Variants in LPA observed in about 807,000 individuals in gnomAD.
The protein encoded by LPA is lipoprotein(a).
In LPA, 199 loss-of-function variants were observed where a neutral mutation model predicts 197.9. The observed-to-expected ratio is 1.01, with a 90% confidence interval of 0.90 to 1.13. LPA has a LOEUF of 1.13. Ranked by LOEUF, LPA falls within the 50% of genes most tolerant of loss-of-function variation. The pLI is 0.00. For synonymous variants in LPA, 715 were observed against 639.5 expected, an observed-to-expected ratio of 1.12 and a Z score of -1.78; for missense variants, 1,853 against 1,785.8, an observed-to-expected ratio of 1.04 and a Z score of -0.68.
chr6:160,609,961 T>C (rs1394844245), intron 16 of LPA, among the ~76,000 whole-genome samples: 3 of 152,294 alleles, frequency 2.0e-5, no homozygotes, highest in Admixed American at 1.3e-4. Context: ...ACTTTTTGTA[T>C]AATAGTTCTT....
intron 28 of LPA, among the ~76,000 whole-genome samples, chr6:160,572,165 A>G (rs1035610600): frequency 6.6e-6 from 1 of 152,114 alleles, no homozygotes; most frequent in African/African-American, 2.4e-5. Context: ...AGGTGAGGTG[A>G]CACCCCACCC....
chr6:160,545,203 G>A (rs1029683657), intron 33 of LPA, among the ~76,000 whole-genome samples: 10 of 151,918 alleles, frequency 6.6e-5, no homozygotes, highest in Non-Finnish European at 1.2e-4. Context: ...TTGGGAATTT[G>A]ACATTTATTT....
chr6:160,540,102 T>A lies in LPA; in HGVS notation c.5676A>T (p.Glu1892Asp). 6.2e-7 allele frequency: 1 copy of A among 1,614,132 alleles called. No homozygotes were observed. The highest frequency in any genetic ancestry group is 8.5e-7 in the Non-Finnish European group (1 of 1,180,028). Reference sequence around the variant, plus strand: ...TGGGCTCCAAGAACAGCCTAGACACTTCTATTTCCTGAACATGAGATTCGA... The same window carrying A: ...TGGGCTCCAAGAACAGCCTAGACACATCTATTTCCTGAACATGAGATTCGA... Reference protein sequence around the residue: ...VNLESHVQEIEVSRLFLEPTQ... With the variant: ...VNLESHVQEIDVSRLFLEPTQ... Residue 1892 changes from glutamate to aspartate, a missense_variant, in exon 36 of 39, where the codon GAA (glutamate) becomes GAT (aspartate). Transcript: ENST00000316300.
At chr6:160,661,125 C>T (rs1049756248) in intron 1 of LPA, among the ~76,000 whole-genome samples, 7 of 152,156 alleles carry the variant, frequency 4.6e-5, no homozygotes, top group African/African-American at 1.7e-4. Context: ...CTCTTCCAAG[C>T]CTGGAGATGC....
chr6:160,539,269 T>C (rs573354345), intron 36 of LPA, among the ~76,000 whole-genome samples: 1 of 152,264 alleles, frequency 6.6e-6, no homozygotes, highest in African/African-American at 2.4e-5. Flanking sequence ...CTCCTACAAA[T>C]ACTGTTTCTT....
At chr6:160,608,412 C>T (rs527324424) in intron 16 of LPA, among the ~76,000 whole-genome samples, 3 of 152,220 alleles carry the variant, frequency 2.0e-5, no homozygotes, top group Admixed American at 2.0e-4. Context: ...AATAACATTC[C>T]CGGTATCTGG....
At chr6:160,660,507 A>C (rs1370081316) in intron 1 of LPA, among the ~76,000 whole-genome samples, 1 of 146,988 alleles carries the variant, frequency 6.8e-6, no homozygotes, top group Admixed American at 6.6e-5. Context: ...ATGTCATGAT[A>C]AAAAAAATAA....
rs1266704107 is a variant in LPA at position 160,556,266 on chromosome 6, G to A, written c.4814-82C>T. 3.7e-6 allele frequency: 5 copies of A among 1,346,360 alleles called. No homozygotes were observed. In the African/African-American group the frequency reaches 5.7e-5, roughly 15 times the overall value. 83.4% of individuals were successfully genotyped at this position (1,346,360 alleles called of 1,614,324 possible). A position where few individuals can be genotyped will look rare whatever the true frequency, so the allele number is the denominator to read the frequency against. ...AATTTATGACACAAACAGGACAGTAGTTTCAGAATTATGACTGTTCTCTTT... is the reference window on the plus strand; with the variant it reads ...AATTTATGACACAAACAGGACAGTAATTTCAGAATTATGACTGTTCTCTTT... On this transcript the variant is annotated intron_variant, in intron 29 of 38. Coordinates refer to ENST00000316300, the MANE Select transcript of LPA (RefSeq NM_005577.4).
At chr6:160,581,291 A>AT (rs957931699) in intron 26 of LPA, among the ~76,000 whole-genome samples, 7 of 151,904 alleles carry the variant, frequency 4.6e-5, no homozygotes, top group African/African-American at 1.7e-4. Flanking sequence ...AATACTATGT[A>AT]TTTTTTGTTT....
In LPA at chr6:160,586,589, A is replaced by G; in HGVS notation, c.3989T>C (p.Ile1330Thr). ...RNYCRNPDAE[I>T]RPWCYTMDPS... Reference sequence around the variant, plus strand: ...ATCCATGGTATAACACCAAGGGCGAATCTCAGCATCTGGATTCCTGCAGTA... The same window carrying G: ...ATCCATGGTATAACACCAAGGGCGAGTCTCAGCATCTGGATTCCTGCAGTA... Residue 1330 changes from isoleucine (I) to threonine (T), a missense_variant, in exon 25 of 39, where the codon ATT (isoleucine) becomes ACT (threonine). Around this residue, in one of 3 missense-constraint regions of LPA, gnomAD observed 1,737 missense variants for 1,504.4 expected, o/e 1.15. Transcript: ENST00000316300. 1 of 1,613,784 alleles carries G rather than the reference A, an allele frequency of 6.2e-7. No individual in the cohort carries two copies. Among genetic ancestry groups the G allele is most frequent in the Non-Finnish European group, 8.5e-7 (1 of 1,179,802 alleles).
At chr6:160,604,514 A>T (rs1373759624) in intron 18 of LPA, among the ~76,000 whole-genome samples, 2 of 152,008 alleles carry the variant, frequency 1.3e-5, no homozygotes, top group Non-Finnish European at 2.9e-5. Context: ...CCTTCCTGCC[A>T]TTTTTATTCT....
intron 20 of LPA, among the ~76,000 whole-genome samples, chr6:160,597,720 T>C (rs1464328937): frequency 6.6e-6 from 1 of 152,206 alleles, no homozygotes; most frequent in Admixed American, 6.5e-5. Flanking sequence ...AATGCAGTTA[T>C]GATACTAATA....
chr6:160,607,501 G>T (rs568026812), intron 16 of LPA, among the ~76,000 whole-genome samples: 1 of 152,278 alleles, frequency 6.6e-6, no homozygotes, highest in East Asian at 1.9e-4. Context: ...ATCTGAAGAG[G>T]TCGGACAGCT....
At chr6:160,582,242 T>C (rs191564483) in intron 26 of LPA, among the ~76,000 whole-genome samples, 8 of 152,078 alleles carry the variant, frequency 5.3e-5, no homozygotes, top group African/African-American at 1.9e-4. Context: ...TATTATTCCA[T>C]TTTTTCTGAC....
chr6:160,662,549 G>C (rs563412632), intron 1 of LPA, among the ~76,000 whole-genome samples: 1 of 152,292 alleles, frequency 6.6e-6, no homozygotes, highest in South Asian at 2.1e-4. Context: ...TCCTGTGGCA[G>C]AGAAGTTTGT....
intron 1 of LPA, among the ~76,000 whole-genome samples, chr6:160,659,591 C>A (rs1165255532): frequency 6.6e-6 from 1 of 152,198 alleles, no homozygotes; most frequent in East Asian, 1.9e-4. Context: ...CAGGTCCCTT[C>A]TTTCTCAAGC....
intron 22 of LPA, among the ~76,000 whole-genome samples, chr6:160,593,677 G>T (rs576043503): frequency 6.6e-6 from 1 of 152,152 alleles, no homozygotes; most frequent in Non-Finnish European, 1.5e-5. Context: ...TTGTGGAATG[G>T]TGCTATTTCT....
Position 160,605,087 on chromosome 6 carries a change from T to A in LPA, c.2904A>T (p.Thr968=). The change falls in exon 18 of 39, where the codon ACA becomes ACT. Residue 968 remains threonine (T), a synonymous_variant. Coordinates refer to ENST00000316300, the MANE Select transcript of LPA (RefSeq NM_005577.4). ...GRTCQAWSSM[T]PHSHSRTPAY... ...CTGGGGTCCGACTATGCGAGTGTGG[T>A]GTCATAGATGACCAAGCTTGGCAGG... 6.2e-7 allele frequency: 1 copy of A among 1,613,918 alleles called. No homozygotes were observed. Among genetic ancestry groups the A allele is most frequent in the Admixed American group, 1.7e-5 (1 of 60,018 alleles).
At chr6:160,604,942 A>G in intron 18 of LPA, 104 bp downstream of exon 18, 1 of 1,540,488 alleles carries the variant, frequency 6.5e-7, no homozygotes, top group Non-Finnish European at 8.9e-7. Flanking sequence ...TGCACTGTTC[A>G]TCTGAGACAA....
Sources: gnomAD v4.1 joint callset for allele counts (sites outside exome capture counted in the v4.1 genomes callset) on GRCh38, gnomAD v4.1.1 for gene constraint, gnomAD v4.1.1 regional missense constraint, MANE v1.5 for transcripts, NCBI Gene and HGNC (gene_info 2026-07-23, HGNC 2026-07-21) for gene names.